Variants in OSBPL3 observed in about 807,000 individuals in gnomAD.
OSBPL3 encodes oxysterol binding protein like 3.
In OSBPL3, 65 loss-of-function variants were observed where a neutral mutation model predicts 120.1. The observed-to-expected ratio is 0.54, with a 90% confidence interval of 0.44 to 0.67. The LOEUF (loss-of-function observed/expected upper bound fraction) is 0.67, where lower values mean the gene tolerates loss of function less well. Ranked by LOEUF, OSBPL3 falls within the 30% of genes least tolerant of loss-of-function variation. The pLI, the probability that OSBPL3 is intolerant of heterozygous loss-of-function variation, is 0.00. For synonymous variants in OSBPL3, 416 were observed against 402.6 expected, an observed-to-expected ratio of 1.03 and a Z score of -0.40; for missense variants, 1,004 against 1,082.1, an observed-to-expected ratio of 0.93 and a Z score of 1.01.
chr7:24,976,060 A>G (rs111465533), intron 1 of OSBPL3, among the ~76,000 whole-genome samples: 2 of 152,248 alleles, frequency 1.3e-5, no homozygotes, highest in African/African-American at 2.4e-5. Flanking sequence ...CTATATGCAA[A>G]TAAGTAGAGA....
chr7:24,828,633 A>AAAAAAAAAAAAAAAG (rs1554349993), intron 16 of OSBPL3, among the ~76,000 whole-genome samples: 14 of 134,620 alleles, frequency 1.0e-4, no homozygotes, highest in South Asian at 2.2e-4. Flanking sequence ...AAAAAAAAAA[A>AAAAAAAAAAAAAAAG]AAAGGCATCG....
rs1796877249 is a variant in OSBPL3, at chr7:24,835,407, C to A, written c.1496-671G>T. Among the ~76,000 whole-genome samples the A allele has an allele frequency of 6.6e-6, 1 of 151,888 alleles. No homozygotes were observed. Among genetic ancestry groups the A allele is most frequent in the Non-Finnish European group, 1.5e-5 (1 of 67,966 alleles). ...ATCAGAATAGCAATTACTAAAAAGT[C>A]AAAAAATAACATGCTGGTGAGGCTG... On this transcript the variant is annotated intron_variant, in intron 14 of 22. Coordinates refer to ENST00000313367, the MANE Select transcript of OSBPL3 (RefSeq NM_015550.4). The surrounding 1 kb of genome is among the most constrained non-coding windows in gnomAD (Gnocchi z 4.8).
rs1799311037 is a variant in OSBPL3, at chr7:24,852,702, C to T, written c.1028-68G>A. ...ATTAAAAACAAAATACAGAAAAAAA[C>T]ATATCTCTTATAAAAGAAACAAGCA... is the stretch of plus-strand genomic sequence containing the variant. On this transcript the variant is annotated intron_variant, in intron 10 of 22. Coordinates refer to ENST00000313367, the MANE Select transcript of OSBPL3 (RefSeq NM_015550.4). This position sits in a 1 kb window ranked among gnomAD's most constrained non-coding sequence, Gnocchi z 4.1. 2.9e-6 allele frequency: 3 copies of T among 1,038,876 alleles called. No homozygotes were observed. Among genetic ancestry groups the T allele is most frequent in the Non-Finnish European group, 4.0e-6 (3 of 745,184 alleles). 64.4% of individuals were successfully genotyped at this position (1,038,876 alleles called of 1,614,324 possible).
intron 16 of OSBPL3, among the ~76,000 whole-genome samples, chr7:24,828,069 G>C (rs955356414): frequency 6.6e-6 from 1 of 151,758 alleles, no homozygotes; most frequent in Non-Finnish European, 1.5e-5. Context: ...CTGTTGCCCA[G>C]GCTGGAGTGC....
intron 1 of OSBPL3, among the ~76,000 whole-genome samples, chr7:24,973,505 C>T (rs537767919): frequency 6.6e-6 from 1 of 152,188 alleles, no homozygotes; most frequent in South Asian, 2.1e-4. Flanking sequence ...TTCAGGGGTA[C>T]AAACAATGTG....
At chr7:24,926,654 G>A (rs12536724) in intron 1 of OSBPL3, among the ~76,000 whole-genome samples, 36,180 of 152,108 alleles carry the variant, frequency 0.24, 4,727 homozygotes, top group East Asian at 0.47. Flanking sequence ...TAAGGTCGCA[G>A]CTCAAATGAG....
chr7:24,961,014 G>A (rs918230191), intron 1 of OSBPL3, among the ~76,000 whole-genome samples: 10 of 152,074 alleles, frequency 6.6e-5, no homozygotes, highest in East Asian at 3.8e-4. Flanking sequence ...ATTAAACTTC[G>A]AAATAATTTT....
chr7:24,925,442 T>C (rs867379741), intron 1 of OSBPL3, among the ~76,000 whole-genome samples: 5 of 152,354 alleles, frequency 3.3e-5, no homozygotes, highest in Middle Eastern at 6.8e-3. Context: ...CAATACAGTT[T>C]CCCCATCTTT....
At chr7:24,917,399 A>AAAATATATATATAT (rs1809734071) in intron 1 of OSBPL3, among the ~76,000 whole-genome samples, 1 of 42,982 alleles carries the variant, frequency 2.3e-5, no homozygotes, top group Non-Finnish European at 4.5e-5. Flanking sequence ...ATATATTTGT[A>AAAATATATATATAT]ACATATATAT....
At chr7:24,825,127 T>C (rs1159644944) in intron 16 of OSBPL3, among the ~76,000 whole-genome samples, 4 of 152,206 alleles carry the variant, frequency 2.6e-5, no homozygotes, top group Non-Finnish European at 5.9e-5. Context: ...CTGCTGCTTC[T>C]GTTTTAAGCA....
At chr7:24,929,883 T>C (rs1386639250) in intron 1 of OSBPL3, among the ~76,000 whole-genome samples, 1 of 152,238 alleles carries the variant, frequency 6.6e-6, no homozygotes, top group Non-Finnish European at 1.5e-5. Flanking sequence ...TTGGATTTCA[T>C]TTGATATCTG....
At chr7:24,842,737 G>A (rs1797941662) in intron 12 of OSBPL3, among the ~76,000 whole-genome samples, 1 of 152,158 alleles carries the variant, frequency 6.6e-6, no homozygotes, top group Middle Eastern at 3.2e-3. Context: ...CCTCTTATTC[G>A]CTACCACTGC....
At position 24,830,675 on chromosome 7, in the gene OSBPL3, C is replaced by G. The variant is rs1796255546; in HGVS notation, c.1884+93G>C. 8.3e-7 allele frequency: 1 copy of G among 1,208,446 alleles called. No homozygotes were observed. The highest frequency in any genetic ancestry group is 1.2e-6 in the Non-Finnish European group (1 of 859,844). The allele number at this position is 1,208,446 out of a possible 1,614,324, so 74.9% of individuals were successfully genotyped here. Reference sequence around the variant, plus strand: ...TGTAATTATCTCGGCTGCTTTGAAGCCAGTGAAAGGTGGAAGATAAATATT... The same window carrying G: ...TGTAATTATCTCGGCTGCTTTGAAGGCAGTGAAAGGTGGAAGATAAATATT... On this transcript the variant is annotated intron_variant, in intron 16 of 22. Transcript: ENST00000313367. The surrounding 1 kb of genome is among the most constrained non-coding windows in gnomAD (Gnocchi z 4.4).
intron 1 of OSBPL3, among the ~76,000 whole-genome samples, chr7:24,905,350 A>G (rs1807741299): frequency 6.6e-6 from 1 of 152,122 alleles, no homozygotes; most frequent in African/African-American, 2.4e-5. Flanking sequence ...CTGGATACCA[A>G]TTTAGCCCAA....
At chr7:24,927,697 CAGA>C (rs1296346031) in intron 1 of OSBPL3, among the ~76,000 whole-genome samples, 4 of 152,038 alleles carry the variant, frequency 2.6e-5, no homozygotes, top group African/African-American at 9.7e-5. Context: ...GGCATAATAA[CAGA>C]AGGTTTACCA....
At chr7:24,846,116 T>C (rs181329508) in intron 12 of OSBPL3, among the ~76,000 whole-genome samples, 64 of 152,368 alleles carry the variant, frequency 4.2e-4, no homozygotes, top group Non-Finnish European at 7.2e-4. Context: ...TTCTTTTATA[T>C]ACAAAATAAC....
At position 24,938,552 on chromosome 7, in the gene OSBPL3, T is replaced by C. The variant is rs1164909247; in HGVS notation, c.-150+41334A>G. On this transcript the variant is annotated intron_variant, in intron 1 of 22. Coordinates refer to ENST00000313367, the MANE Select transcript of OSBPL3 (RefSeq NM_015550.4). The surrounding 1 kb of genome is among the most constrained non-coding windows in gnomAD (Gnocchi z 5.8). ...TTCAAGGTCTCCTTAGGGACCAAGA[T>C]GGCTTCTGAAACTCTAGTCATCACT... 6.6e-6 allele frequency among the ~76,000 whole-genome samples: 1 copy of C among 152,146 alleles called. No homozygotes were observed. Among genetic ancestry groups the C allele is most frequent in the African/African-American group, 2.4e-5 (1 of 41,440 alleles).
chr7:24,913,383 C>A lies in OSBPL3; in HGVS notation c.-149-20762G>T, dbSNP rs73076224. On this transcript the variant is annotated intron_variant, in intron 1 of 22. Coordinates refer to ENST00000313367, the MANE Select transcript of OSBPL3 (RefSeq NM_015550.4). This position sits in a 1 kb window ranked among gnomAD's most constrained non-coding sequence, Gnocchi z 5.3. Reference sequence around the variant, plus strand: ...GGTAAGTCAGCAGCAACACTCTCTTCTCCTGTCCCTCAGGCTAGCAGGCTC... The same window carrying A: ...GGTAAGTCAGCAGCAACACTCTCTTATCCTGTCCCTCAGGCTAGCAGGCTC... Among the ~76,000 whole-genome samples the A allele has an allele frequency of 0.083, 12,667 of 152,150 alleles. 549 individuals carry two copies. The highest frequency in any genetic ancestry group is 0.12 in the South Asian group (594 of 4,814).
intron 15 of OSBPL3, among the ~76,000 whole-genome samples, chr7:24,832,173 T>A (rs1212576407): frequency 6.9e-6 from 1 of 144,634 alleles, no homozygotes; most frequent in Admixed American, 6.9e-5. Context: ...CACCACTGCA[T>A]TCCAGCCTGG....
Sources: allele counts gnomAD v4.1 joint callset (sites outside exome capture counted in the v4.1 genomes callset), GRCh38; gene constraint gnomAD v4.1.1; non-coding constraint Gnocchi (gnomAD v3.1); transcripts MANE v1.5; gene names NCBI Gene and HGNC (gene_info 2026-07-23, HGNC 2026-07-21).